The following ZNF180 variants were observed in gnomAD, a reference collection of about 807,000 sequenced individuals.
ZNF180 encodes the protein zinc finger protein 180 (HHZ168).
ZNF180 carries 11 observed loss-of-function variants against 11.8 expected under a neutral mutation model. The observed-to-expected ratio is 0.93, with a 90% CI of 0.59 to 1.55. ZNF180 has a LOEUF of 1.55. Among genes scored for constraint, ZNF180 ranks in the 40% most tolerant of loss-of-function variants. The probability of loss-of-function intolerance (pLI) is 0.00; values close to 1 mark genes in which losing one functional copy is unlikely to be tolerated. For missense variants in ZNF180, 773 were observed against 781.7 expected (o/e 0.99, Z 0.13); for synonymous variants, 287 against 257.7 (o/e 1.11, Z -1.09).
intron 1 of ZNF180, among the ~76,000 whole-genome samples, chr19:44,497,696 C>A (rs1044029208): frequency 2.6e-5 from 4 of 152,242 alleles, no homozygotes; most frequent in African/African-American, 9.6e-5. Flanking sequence ...GTCCATCCCT[C>A]TCCTATTCAC....
Position 44,477,613 on chromosome 19 carries a change from T to C in ZNF180, c.787A>G (p.Ile263Val). The change falls in exon 5 of 5, where the codon ATA (isoleucine) becomes GTA (valine). Residue 263 changes from isoleucine to valine, a missense_variant. Ile to Val is a conservative substitution (Grantham distance 29). Transcript: ENST00000592529. ...CCTCCTCCATGAATTTTTTCATGTA[T>C]ATGTAGGGGTGTACCATGGCAAAAA... ...QSFCHGTPLHIHEKIHGGGKT... is the reference protein window; with the variant it reads ...QSFCHGTPLHVHEKIHGGGKT... The C allele has an allele frequency of 1.2e-6, 2 of 1,614,074 alleles. No individual in the cohort carries two copies. Among genetic ancestry groups the C allele is most frequent in the South Asian group, 1.1e-5 (1 of 91,074 alleles).
At chr19:44,498,513 G>C (rs566940334) in intron 1 of ZNF180, among the ~76,000 whole-genome samples, 6 of 152,068 alleles carry the variant, frequency 3.9e-5, no homozygotes, top group Non-Finnish European at 5.9e-5. Context: ...CATCTTTCGG[G>C]GGCACCTGTG....
In ZNF180 at chr19:44,477,128, T is replaced by C. The variant is rs1484960435; in HGVS notation, c.1272A>G (p.Lys424=). Residue 424 remains lysine, a synonymous_variant, in exon 5 of 5, where the codon AAA becomes AAG. Transcript: ENST00000592529. ...TATGTGTTCTTTGATGTGCAATAAG[T>C]TTATAGCTCTGCCTGAATGACTTTC... ...QCGKSFRQSY[K]LIAHQRTHTG... 1.2e-6 allele frequency: 2 copies of C among 1,613,144 alleles called. No individual in the cohort carries two copies. Among genetic ancestry groups the C allele is most frequent in the Non-Finnish European group, 1.7e-6 (2 of 1,179,202 alleles).
chr19:44,487,908 G>A (rs1194398492), intron 2 of ZNF180, among the ~76,000 whole-genome samples: 4 of 152,058 alleles, frequency 2.6e-5, no homozygotes, highest in Non-Finnish European at 5.9e-5. Flanking sequence ...TGTATTTTTT[G>A]TAGAGATGGG....
chr19:44,495,740 C>T lies in ZNF180; in HGVS notation c.51+1544G>A, dbSNP rs1390556929. Reference sequence around the variant, plus strand: ...CTCTGACACCCACATTGGGCTGCACCACGTGCACAAGCGACTTCTTCATTC... The same window carrying T: ...CTCTGACACCCACATTGGGCTGCACTACGTGCACAAGCGACTTCTTCATTC... On this transcript the variant is annotated intron_variant, in intron 2 of 4. Transcript: ENST00000592529. This position sits in a 1 kb window ranked among gnomAD's most constrained non-coding sequence, Gnocchi z 4.5. 2.6e-5 allele frequency among the ~76,000 whole-genome samples: 4 copies of T among 152,106 alleles called. No homozygotes were observed. The East Asian group carries it at 5.8e-4, about 22-fold the overall frequency.
intron 3 of ZNF180, among the ~76,000 whole-genome samples, chr19:44,482,171 C>T (rs1970098175): frequency 6.6e-6 from 1 of 152,044 alleles, no homozygotes; most frequent in Non-Finnish European, 1.5e-5. Context: ...GCCAGGTGTG[C>T]TGGTGCATGC....
intron 3 of ZNF180, 55 bp from the exon 4 acceptor site, chr19:44,479,464 A>T: frequency 6.2e-7 from 1 of 1,604,932 alleles, no homozygotes; most frequent in South Asian, 1.1e-5. Flanking sequence ...TCCAAAGTTC[A>T]TGGAGGAGGA....
rs1453949635 is a variant in ZNF180 at position 44,489,614 on chromosome 19, G to A, written c.52-5179C>T. 6.4e-5 allele frequency among the ~76,000 whole-genome samples: 7 copies of A among 109,498 alleles called. 1 individual carries two copies. The highest frequency in any genetic ancestry group is 2.1e-4 in the African/African-American group (7 of 33,476). 71.8% of individuals were successfully genotyped at this position (109,498 alleles called of 152,430 possible). A position where few individuals can be genotyped will look rare whatever the true frequency, so the allele number is the denominator to read the frequency against. The stretch of plus-strand genomic sequence containing the variant: ...ACACAAACGCTGTGGAAGGCCGCAG[G>A]GTCCTCTGCCTAGGAAAACCAGAGA... On this transcript the variant is annotated intron_variant, in intron 2 of 4. Transcript: ENST00000592529.
intron 1 of ZNF180, 143 bp from the exon 2 acceptor site, chr19:44,497,520 C>A: frequency 1.3e-6 from 1 of 790,256 alleles, no homozygotes; most frequent in Non-Finnish European, 1.9e-6. Context: ...AGCTTCCTGC[C>A]CAAATACCTG....
intron 2 of ZNF180, among the ~76,000 whole-genome samples, chr19:44,496,204 A>C (rs1970574761): frequency 6.6e-6 from 1 of 151,834 alleles, no homozygotes; most frequent in Admixed American, 6.6e-5. Flanking sequence ...TTTTTTATAG[A>C]GACAGGGTCT....
intron 2 of ZNF180, among the ~76,000 whole-genome samples, chr19:44,497,028 T>A (rs1438588783): frequency 6.6e-6 from 1 of 152,252 alleles, no homozygotes; most frequent in Non-Finnish European, 1.5e-5. Context: ...TGTGAATTGC[T>A]GGCCAAAAGG....
chr19:44,496,952 G>A (rs759509711), intron 2 of ZNF180, among the ~76,000 whole-genome samples: 47 of 152,042 alleles, frequency 3.1e-4, no homozygotes, highest in Non-Finnish European at 4.0e-4. Flanking sequence ...TGGTCTTATC[G>A]TAATTCATTC....
intron 3 of ZNF180, among the ~76,000 whole-genome samples, chr19:44,480,017 G>T (rs1012829963): frequency 4.6e-5 from 7 of 152,348 alleles, no homozygotes; most frequent in Non-Finnish European, 1.0e-4. Context: ...TATAGGTGAA[G>T]AACACTGGAT....
rs757311075 is a variant in ZNF180 at position 44,477,062 on chromosome 19, T to A, written c.1338A>T (p.Ser446=). 1 of 1,614,098 alleles carries A rather than the reference T, an allele frequency of 6.2e-7. No homozygotes were observed. Among genetic ancestry groups the A allele is most frequent in the South Asian group, 1.1e-5 (1 of 91,076 alleles). The stretch of plus-strand genomic sequence containing the variant: ...CAATAAGTTTATAGCTCTGGATAAA[T>A]GATTTCCCACATTGATTACATTCAT... ...KPYECNQCGK[S]FIQSYKLIAH... Residue 446 remains serine (S), a synonymous_variant, in exon 5 of 5, where the codon TCA becomes TCT. Transcript: ENST00000592529.
intron 1 of ZNF180, among the ~76,000 whole-genome samples, chr19:44,499,901 C>G (rs1970696044): frequency 6.6e-6 from 1 of 152,186 alleles, no homozygotes; most frequent in Non-Finnish European, 1.5e-5. Flanking sequence ...CTCCAGAAAC[C>G]ACAATCTGCA....
chr19:44,475,423 A>G lies in ZNF180; in HGVS notation c.*979T>C, dbSNP rs1477788614. The G allele has an allele frequency of 6.7e-6, 1 of 150,210 alleles. No individual in the cohort carries two copies. Among genetic ancestry groups the G allele is most frequent in the African/African-American group, 2.5e-5 (1 of 39,612 alleles). 9.3% of individuals were successfully genotyped at this position (150,210 alleles called of 1,614,324 possible). A position where few individuals can be genotyped will look rare whatever the true frequency, so the allele number is the denominator to read the frequency against. On this transcript the variant is annotated 3_prime_UTR_variant, in exon 5 of 5. Transcript: ENST00000592529. ...CCCTCTATACTTCCCACGCATTCTCAGTTCTTCATATGAAACCATTTCTGG... is the reference window on the plus strand; with the variant it reads ...CCCTCTATACTTCCCACGCATTCTCGGTTCTTCATATGAAACCATTTCTGG...
chr19:44,500,317 G>A lies in ZNF180; in HGVS notation c.-86C>T. 2 of 1,572,984 alleles carry A rather than the reference G, an allele frequency of 1.3e-6. No individual in the cohort carries two copies. The highest frequency in any genetic ancestry group is 1.7e-6 in the Non-Finnish European group (2 of 1,147,348). ...CGCAGCCCAGGCTGGGCCTGTCACCGCCTCAGTGCCTAGCACGGCTCTGCG... is the reference window on the plus strand; with the variant it reads ...CGCAGCCCAGGCTGGGCCTGTCACCACCTCAGTGCCTAGCACGGCTCTGCG... On this transcript the variant is annotated 5_prime_UTR_variant, in exon 1 of 5. Coordinates refer to ENST00000592529, the MANE Select transcript of ZNF180 (RefSeq NM_001278509.3).
Position 44,497,325 on chromosome 19 carries a change from G to A in ZNF180, c.10C>T (p.Gln4Ter). 1 of 1,596,290 alleles carries A rather than the reference G, an allele frequency of 6.3e-7. No individual in the cohort carries two copies. Among genetic ancestry groups the A allele is most frequent in the Non-Finnish European group, 8.5e-7 (1 of 1,174,158 alleles). MEE[Q>*]DEKPPEPPKV... ...GGGGGCTCTGGGGGCTTCTCATCCT[G>A]CTCTTCCATGCTCTCCTCCAGGCAC... The change falls in exon 2 of 5, where the codon CAG becomes TAG. Residue 4 changes from glutamine to a stop codon, truncating the protein, a stop_gained. Transcript: ENST00000592529. LOFTEE classifies it high-confidence loss of function.
intron 2 of ZNF180, among the ~76,000 whole-genome samples, chr19:44,494,421 T>G (rs1354804152): frequency 6.6e-6 from 1 of 152,154 alleles, no homozygotes; most frequent in African/African-American, 2.4e-5. Flanking sequence ...TCCCGGCACT[T>G]TGGGAGGCCA....
Sources: gnomAD v4.1 joint callset for allele counts (sites outside exome capture counted in the v4.1 genomes callset) on GRCh38, gnomAD v4.1.1 for gene constraint, Gnocchi (gnomAD v3.1) non-coding constraint, MANE v1.5 for transcripts, NCBI Gene and HGNC (gene_info 2026-07-23, HGNC 2026-07-21) for gene names.